Variants in ZNF66 observed in about 807,000 individuals in gnomAD.
ZNF66 encodes the protein zinc finger protein 66.
ZNF66 carries 32 observed loss-of-function variants against 35.2 expected under a neutral mutation model. That is an observed-to-expected ratio of 0.91 (90% CI 0.69 to 1.22). ZNF66 has a LOEUF of 1.22. Among genes scored for constraint, ZNF66 ranks in the 50% most tolerant of loss-of-function variants. ZNF66 has a pLI of 0.00. For missense variants in ZNF66, 666 were observed against 543.1 expected, an observed-to-expected ratio of 1.23 and a Z score of -2.25; for synonymous variants, 231 against 181.3, an observed-to-expected ratio of 1.27 and a Z score of -2.20.
intron 1 of ZNF66, among the ~76,000 whole-genome samples, chr19:20,777,815 G>A (rs1372803077): frequency 6.6e-6 from 1 of 151,948 alleles, no homozygotes; most frequent in African/African-American, 2.4e-5. Flanking sequence ...TAGTAGAGAT[G>A]AGGTTTCACC....
intron 1 of ZNF66, among the ~76,000 whole-genome samples, chr19:20,791,501 A>G (rs559667629): frequency 1.5e-4 from 22 of 151,440 alleles, no homozygotes; most frequent in African/African-American, 2.4e-4. Context: ...AAAAAAAAAA[A>G]AAAAGAAAAT....
chr19:20,806,737 G>C lies in ZNF66; in HGVS notation c.1137G>C (p.Lys379Asn), dbSNP rs904165054. Residue 379 changes from lysine to asparagine, a missense_variant, in exon 4 of 4, where the codon AAG becomes AAC. By Grantham distance (94) the Lys-to-Asn change is moderately conservative. Transcript: ENST00000344519. ...YKCEECGEAFKYSCSLTAHKI... is the reference protein window; with the variant it reads ...YKCEECGEAFNYSCSLTAHKI... ...GTGAAGAATGTGGTGAAGCCTTTAAGTACTCCTGTTCCCTTACTGCACATA... is the reference window on the plus strand; with the variant it reads ...GTGAAGAATGTGGTGAAGCCTTTAACTACTCCTGTTCCCTTACTGCACATA... The C allele has an allele frequency of 1.5e-6, 2 of 1,375,984 alleles. No homozygotes were observed. The highest frequency in any genetic ancestry group is 1.4e-5 in the African/African-American group (1 of 69,858). The allele number at this position is 1,375,984 out of a possible 1,614,324, so 85.2% of individuals were successfully genotyped here.
At chr19:20,805,276 C>G (rs1490655835) in intron 3 of ZNF66, among the ~76,000 whole-genome samples, 1 of 152,078 alleles carries the variant, frequency 6.6e-6, no homozygotes, top group African/African-American at 2.4e-5. Context: ...CTTACTGCAA[C>G]CTCTGCCTCC....
At position 20,806,490 on chromosome 19, in the gene ZNF66, T is replaced by A. The variant is rs774373674; in HGVS notation, c.890T>A (p.Leu297His). The A allele has an allele frequency of 6.7e-7, 1 of 1,490,444 alleles. No homozygotes were observed. 92.3% of individuals were successfully genotyped at this position (1,490,444 alleles called of 1,614,324 possible). ...CEECGKVFKYLSSLSTHKIIH... is the reference protein window; with the variant it reads ...CEECGKVFKYHSSLSTHKIIH... Reference sequence around the variant, plus strand: ...GAATGTGGCAAAGTTTTTAAGTACCTTTCTTCCCTTTCTACACATAAGATA... The same window carrying A: ...GAATGTGGCAAAGTTTTTAAGTACCATTCTTCCCTTTCTACACATAAGATA... Residue 297 changes from leucine to histidine, a missense_variant, in exon 4 of 4, where the codon CTT becomes CAT. Transcript: ENST00000344519.
rs2144904096 is a variant in ZNF66 at position 20,793,664 on chromosome 19, T to G, written c.131-119T>G. 6.7e-6 allele frequency: 3 copies of G among 449,096 alleles called. No individual in the cohort carries two copies. In the East Asian group the frequency reaches 1.1e-4, roughly 16 times the overall value. The allele number at this position is 449,096 out of a possible 1,614,324, so 27.8% of individuals were successfully genotyped here. A position where few individuals can be genotyped will look rare whatever the true frequency, so the allele number is the denominator to read the frequency against. ...AATATTTAGAAATCTCTGTTACAAATTTGTATTTTGTTATTAATTTACTAG... is the reference window on the plus strand; with the variant it reads ...AATATTTAGAAATCTCTGTTACAAAGTTGTATTTTGTTATTAATTTACTAG... On this transcript the variant is annotated intron_variant, in intron 2 of 3. Transcript: ENST00000344519.
At position 20,808,378 on chromosome 19, in the gene ZNF66, C is replaced by A. The variant is rs1971547936; in HGVS notation, c.*1056C>A. 6.6e-6 allele frequency among the ~76,000 whole-genome samples: 1 copy of A among 152,218 alleles called. No homozygotes were observed. The highest frequency in any genetic ancestry group is 1.5e-5 in the Non-Finnish European group (1 of 68,032). On this transcript the variant is annotated 3_prime_UTR_variant, in exon 4 of 4. Coordinates refer to ENST00000344519, the MANE Select transcript of ZNF66 (RefSeq NM_001355197.2). The stretch of plus-strand genomic sequence containing the variant: ...GTTCTCCCAGCACGCAGCTGGAGAT[C>A]TGAGAACGGGCAGACTGCCTCCTCA...
rs1971533386 is a variant in ZNF66 at position 20,807,456 on chromosome 19, A to G, written c.*134A>G. 3.7e-6 allele frequency: 2 copies of G among 536,814 alleles called. No individual in the cohort carries two copies. The highest frequency in any genetic ancestry group is 3.2e-5 in the South Asian group (1 of 31,346). 33.3% of individuals were successfully genotyped at this position (536,814 alleles called of 1,614,324 possible). ...TGAGAATTTATGGAACACAAACACT[A>G]CAAATATAAAGAATGTGACAAAGCT... On this transcript the variant is annotated 3_prime_UTR_variant, in exon 4 of 4. Transcript: ENST00000344519.
At chr19:20,780,017 A>G (rs1217785566) in intron 1 of ZNF66, among the ~76,000 whole-genome samples, 1 of 152,026 alleles carries the variant, frequency 6.6e-6, no homozygotes, top group African/African-American at 2.4e-5. Flanking sequence ...AGGCTGAGGC[A>G]GGATAATTGC....
Position 20,807,151 on chromosome 19 carries a change from CTT to C in ZNF66, c.1553_1554del (p.Phe518Ter), listed in dbSNP as rs1568502205. The C allele has an allele frequency of 3.0e-6, 2 of 667,086 alleles. No individual in the cohort carries two copies. The highest frequency in any genetic ancestry group is 2.1e-5 in the Admixed American group (1 of 47,726). The allele number at this position is 667,086 out of a possible 1,614,324, so 41.3% of individuals were successfully genotyped here. ...ACAAATGTGAAGAATGTGGCAAAGA[CTT>C]TAAGTACTCCTCTACCCTTACTAGA... ...PYKCEECGKD[F>X]KYSSTLTRHK... is the part of the protein sequence containing the mutation. On this transcript the variant is annotated frameshift_variant, in exon 4 of 4. Coordinates refer to ENST00000344519, the MANE Select transcript of ZNF66 (RefSeq NM_001355197.2). LOFTEE classifies it high-confidence loss of function.
chr19:20,803,694 A>C (rs1034534441), intron 3 of ZNF66, among the ~76,000 whole-genome samples: 3 of 152,046 alleles, frequency 2.0e-5, no homozygotes, highest in African/African-American at 7.2e-5. Context: ...ACATATTTTC[A>C]TATGATTATG....
At chr19:20,800,669 T>G (rs556235007) in intron 3 of ZNF66, among the ~76,000 whole-genome samples, 1 of 152,320 alleles carries the variant, frequency 6.6e-6, no homozygotes, top group African/African-American at 2.4e-5. Context: ...TACCATATAA[T>G]ATATCCAGTT....
chr19:20,776,313 T>C lies in ZNF66; in HGVS notation c.-135T>C, dbSNP rs8106412. 7.2e-6 allele frequency: 10 copies of C among 1,394,610 alleles called. No individual in the cohort carries two copies. Among genetic ancestry groups the C allele is most frequent in the Non-Finnish European group, 1.0e-5 (10 of 987,746 alleles). 86.4% of individuals were successfully genotyped at this position (1,394,610 alleles called of 1,614,324 possible). On this transcript the variant is annotated 5_prime_UTR_variant, in exon 1 of 4. Coordinates refer to ENST00000344519, the MANE Select transcript of ZNF66 (RefSeq NM_001355197.2). ...ATTTGGCGGGGTCTTTGTCTCTCCC[T>C]GCAGCTGGAGCTCCAGGTCGTCTGT...
In ZNF66 at chr19:20,806,285, T is replaced by C; in HGVS notation, c.685T>C (p.Tyr229His). 6.7e-7 allele frequency: 1 copy of C among 1,483,780 alleles called. No individual in the cohort carries two copies. Among genetic ancestry groups the C allele is most frequent in the Non-Finnish European group, 9.4e-7 (1 of 1,062,158 alleles). The allele number at this position is 1,483,780 out of a possible 1,614,324, so 91.9% of individuals were successfully genotyped here. The change falls in exon 4 of 4, where the codon TAC becomes CAC. Residue 229 changes from tyrosine (Y) to histidine (H), a missense_variant. Tyr to His is a moderately conservative substitution (Grantham distance 83, BLOSUM62 2). Coordinates refer to ENST00000344519, the MANE Select transcript of ZNF66 (RefSeq NM_001355197.2). Reference protein sequence around the residue: ...HKIIHTGEKRYKCEDCGKAFN... With the variant: ...HKIIHTGEKRHKCEDCGKAFN... Reference sequence around the variant, plus strand: ...GATAATTCATACTGGAGAGAAACGGTACAAATGTGAAGACTGTGGCAAAGC... The same window carrying C: ...GATAATTCATACTGGAGAGAAACGGCACAAATGTGAAGACTGTGGCAAAGC...
chr19:20,805,400 G>A (rs777380742), intron 3 of ZNF66, among the ~76,000 whole-genome samples: 10 of 152,002 alleles, frequency 6.6e-5, no homozygotes, highest in Non-Finnish European at 1.3e-4. Flanking sequence ...CACCATCTTG[G>A]CCAGGCTGCC....
Position 20,809,875 on chromosome 19 carries a change from CACAG to C in ZNF66, c.*2558_*2561del, listed in dbSNP as rs779001776. On this transcript the variant is annotated 3_prime_UTR_variant, in exon 4 of 4. Coordinates refer to ENST00000344519, the MANE Select transcript of ZNF66 (RefSeq NM_001355197.2). ...TGGGCTAAATGCTCCAATTAAAAGA[CACAG>C]ACAGGCAAATTGGATAAATAGTCAA... 1.5e-3 allele frequency among the ~76,000 whole-genome samples: 231 copies of C among 152,218 alleles called. No homozygotes were observed. Among genetic ancestry groups the C allele is most frequent in the Middle Eastern group, 0.014 (4 of 294 alleles).
intron 1 of ZNF66, among the ~76,000 whole-genome samples, chr19:20,786,585 T>C (rs1375886826): frequency 6.6e-6 from 1 of 152,146 alleles, no homozygotes; most frequent in Non-Finnish European, 1.5e-5. Flanking sequence ...ATTTGAGAAA[T>C]AAAAAACTTT....
chr19:20,793,235 ACC>A (rs1971355798), intron 2 of ZNF66, among the ~76,000 whole-genome samples: 1 of 151,668 alleles, frequency 6.6e-6, no homozygotes, highest in African/African-American at 2.4e-5. Flanking sequence ...TCTACTTGCC[ACC>A]ACCAAGTTTT....
At chr19:20,798,929 T>C (rs1971420459) in intron 3 of ZNF66, 2 of 152,212 alleles carry the variant, frequency 1.3e-5, no homozygotes, top group South Asian at 2.1e-4. Flanking sequence ...TTAAGAGATA[T>C]ATGCTGGTTT....
rs1312410121 is a variant in ZNF66 at position 20,797,355 on chromosome 19, C to T, written c.226+3477C>T. 4.3e-5 allele frequency among the ~76,000 whole-genome samples: 6 copies of T among 138,252 alleles called. 1 individual carries two copies. The highest frequency in any genetic ancestry group is 2.3e-4 in the South Asian group (1 of 4,280). 90.7% of individuals were successfully genotyped at this position (138,252 alleles called of 152,430 possible). Reference sequence around the variant, plus strand: ...CCGAGTAGCTGGGACTACAGGCGCCCGCCACCTCGCCCGGCTAATTTTTTG... The same window carrying T: ...CCGAGTAGCTGGGACTACAGGCGCCTGCCACCTCGCCCGGCTAATTTTTTG... On this transcript the variant is annotated intron_variant, in intron 3 of 3. Transcript: ENST00000344519.
Sources: allele counts gnomAD v4.1 joint callset (sites outside exome capture counted in the v4.1 genomes callset), GRCh38; gene constraint gnomAD v4.1.1; transcripts MANE v1.5; gene names NCBI Gene and HGNC (gene_info 2026-07-23, HGNC 2026-07-21).